Variants in DHX37 observed in about 807,000 individuals in gnomAD.
The protein encoded by DHX37 is probable ATP-dependent RNA helicase DHX37.
In DHX37, 52 loss-of-function variants were observed where a neutral mutation model predicts 134.3. The observed-to-expected ratio is 0.39, with a 90% CI of 0.31 to 0.49. DHX37 has a LOEUF of 0.49. Among genes scored for constraint, DHX37 ranks in the 20% least tolerant of loss-of-function variants. The probability of loss-of-function intolerance (pLI) is 0.93; values close to 1 mark genes in which losing one functional copy is unlikely to be tolerated. For missense variants in DHX37, 1,344 were observed against 1,580.8 expected (o/e 0.85, Z 2.54); for synonymous variants, 634 against 670.7 (o/e 0.95, Z 0.85).
intron 15 of DHX37, among the ~76,000 whole-genome samples, chr12:124,961,278 G>A (rs28425771): frequency 7.8e-5 from 7 of 89,774 alleles, no homozygotes; most frequent in East Asian, 6.1e-4. Context: ...ACGCGTGCAC[G>A]CACACACACT....
rs767678085 is a variant in DHX37, at chr12:124,971,414, T to C, written c.1079A>G (p.Asp360Gly). The change falls in exon 8 of 27, where the codon GAC (aspartate) becomes GGC (glycine). Residue 360 changes from aspartate (D) to glycine (G), a missense_variant and splice_region_variant. By Grantham distance (94) the Asp-to-Gly change is moderately conservative. This residue lies in a region of DHX37 where 30 missense variants were observed against 72.5 expected (regional missense o/e 0.41). Transcript: ENST00000308736. ...DGVLLKEIQK[D>G]FLLLRYKVVI... Reference sequence around the variant, plus strand: ...CACCTTGTACCGCAGCAGCAGGAAGTCCTGGGGGGAGGTCCGGGGTGAGGC... The same window carrying C: ...CACCTTGTACCGCAGCAGCAGGAAGCCCTGGGGGGAGGTCCGGGGTGAGGC... The C allele has an allele frequency of 8.1e-6, 13 of 1,612,824 alleles. No individual in the cohort carries two copies. The East Asian group carries it at 2.9e-4, about 36-fold the overall frequency.
intron 10 of DHX37, among the ~76,000 whole-genome samples, chr12:124,967,681 A>G (rs1263743407): frequency 6.6e-6 from 1 of 152,190 alleles, no homozygotes; most frequent in Non-Finnish European, 1.5e-5. Context: ...GCTTCCTTGA[A>G]GGACGAGGTC....
intron 25 of DHX37, chr12:124,948,426 G>C: frequency 1.6e-6 from 1 of 640,296 alleles, no homozygotes; most frequent in Admixed American, 3.0e-5. Context: ...CTCCAGCCTG[G>C]GCAACAGGGC....
At chr12:124,959,169 G>A (rs1388391396) in intron 16 of DHX37, among the ~76,000 whole-genome samples, 11 of 150,282 alleles carry the variant, frequency 7.3e-5, no homozygotes. Flanking sequence ...CGCCTCCCGG[G>A]TTCAAGTGAT....
At chr12:124,977,260 G>A in intron 5 of DHX37, 82 bp downstream of exon 5, 3 of 1,431,960 alleles carry the variant, frequency 2.1e-6, no homozygotes, top group Non-Finnish European at 2.8e-6. Context: ...TGGATCCTGG[G>A]GAGCCCAGGC....
intron 15 of DHX37, among the ~76,000 whole-genome samples, chr12:124,961,205 CGTGT>C (rs1291638250): frequency 8.6e-6 from 1 of 115,886 alleles, no homozygotes; most frequent in African/African-American, 3.1e-5. Context: ...CACACATACA[CGTGT>C]GCACGCACGC....
intron 15 of DHX37, among the ~76,000 whole-genome samples, chr12:124,961,341 C>T (rs553802919): frequency 3.3e-4 from 51 of 152,290 alleles, no homozygotes; most frequent in African/African-American, 1.2e-3. Context: ...CACGCACACA[C>T]ACACACAATT....
chr12:124,949,743 G>A lies in DHX37; in HGVS notation c.3290+243C>T, dbSNP rs1167993324. Reference sequence around the variant, plus strand: ...TAAAGACACACAGAGAGATGGCCACGTGAAGATGGAGGCAGAGACTGGAGT... The same window carrying A: ...TAAAGACACACAGAGAGATGGCCACATGAAGATGGAGGCAGAGACTGGAGT... On this transcript the variant is annotated intron_variant, in intron 25 of 26. Coordinates refer to ENST00000308736, the MANE Select transcript of DHX37 (RefSeq NM_032656.4). This position sits in a 1 kb window ranked among gnomAD's most constrained non-coding sequence, Gnocchi z 4.0. 6.6e-6 allele frequency among the ~76,000 whole-genome samples: 1 copy of A among 152,158 alleles called. No homozygotes were observed. The highest frequency in any genetic ancestry group is 2.4e-5 in the African/African-American group (1 of 41,434).
chr12:124,974,305 C>T (rs1444136025), intron 6 of DHX37, among the ~76,000 whole-genome samples: 1 of 151,746 alleles, frequency 6.6e-6, no homozygotes, highest in Admixed American at 6.6e-5. Flanking sequence ...GAGAATGAGG[C>T]AGCTTTTCCT....
intron 15 of DHX37, among the ~76,000 whole-genome samples, chr12:124,961,188 G>GCACACA (rs144846639): frequency 9.7e-6 from 1 of 103,610 alleles, no homozygotes; most frequent in Non-Finnish European, 1.8e-5. Context: ...ATGCGCGCAC[G>GCACACA]CACACACACA....
rs1954915590 is a variant in DHX37 at position 124,988,432 on chromosome 12, C to G, written c.106+485G>C. On this transcript the variant is annotated intron_variant, in intron 1 of 26. Transcript: ENST00000308736. Reference sequence around the variant, plus strand: ...ATGTTTATTCTTTGCCTGTCTCCTCCTATACAGCAGGTAAACTCAGGGATT... The same window carrying G: ...ATGTTTATTCTTTGCCTGTCTCCTCGTATACAGCAGGTAAACTCAGGGATT... Among the ~76,000 whole-genome samples the G allele has an allele frequency of 2.6e-5, 4 of 152,134 alleles. No homozygotes were observed. The South Asian group carries it at 8.3e-4, about 31-fold the overall frequency.
intron 18 of DHX37, among the ~76,000 whole-genome samples, chr12:124,954,593 T>C (rs1388634606): frequency 6.6e-6 from 1 of 151,930 alleles, no homozygotes; most frequent in African/African-American, 2.4e-5. Flanking sequence ...AGAGACAGAG[T>C]TTCACCGTGT....
chr12:124,950,835 G>A, intron 21 of DHX37, 31 bp from the exon 22 acceptor site: 1 of 1,565,458 alleles, frequency 6.4e-7, no homozygotes. Flanking sequence ...TGTGGTCAGG[G>A]AAGAACCCAT....
Position 124,988,944 on chromosome 12 carries a change from G to T in DHX37, c.79C>A (p.Pro27Thr). 1 of 1,339,634 alleles carries T rather than the reference G, an allele frequency of 7.5e-7. No homozygotes were observed. The highest frequency in any genetic ancestry group is 2.4e-5 in the South Asian group (1 of 41,234). The allele number at this position is 1,339,634 out of a possible 1,614,324, so 83.0% of individuals were successfully genotyped here. A position where few individuals can be genotyped will look rare whatever the true frequency, so the allele number is the denominator to read the frequency against. Residue 27 changes from proline to threonine, a missense_variant, in exon 1 of 27, where the codon CCG becomes ACG. Physicochemically the swap from Pro to Thr is conservative, Grantham distance 38. Transcript: ENST00000308736. ...GPGPSKGPPE[P>T]PPVQLELEDK... ...TCCAGTTCCAGCTGCACGGGGGGCG[G>T]CTCGGGGGGGCCCTTCGAGGGTCCG...
rs756255463 is a variant in DHX37 at position 124,975,531 on chromosome 12, G to T, written c.888-20C>A. 2.5e-6 allele frequency: 4 copies of T among 1,610,614 alleles called. No individual in the cohort carries two copies. The Admixed American group carries it at 6.7e-5, about 27-fold the overall frequency. On this transcript the variant is annotated intron_variant, in intron 5 of 26. Coordinates refer to ENST00000308736, the MANE Select transcript of DHX37 (RefSeq NM_032656.4). ...TCTTCACTGGGGGAGGAAGAACATGGCCATCAACAGTGCGCGGCCCCACCT... is the reference window on the plus strand; with the variant it reads ...TCTTCACTGGGGGAGGAAGAACATGTCCATCAACAGTGCGCGGCCCCACCT...
At chr12:124,968,435 C>T (rs1954441235) in intron 10 of DHX37, 99 bp downstream of exon 10, 2 of 1,552,502 alleles carry the variant, frequency 1.3e-6, no homozygotes, top group African/African-American at 1.4e-5. Context: ...GGTCAAGGGA[C>T]TTTTCTGAGC....
chr12:124,976,999 T>C lies in DHX37; in HGVS notation c.887+343A>G, dbSNP rs578058107. Reference sequence around the variant, plus strand: ...GAGGCGGAGTTGCAGTGAGCCAATATCACACCACTGTACTCCAGCCGGGGT... The same window carrying C: ...GAGGCGGAGTTGCAGTGAGCCAATACCACACCACTGTACTCCAGCCGGGGT... On this transcript the variant is annotated intron_variant, in intron 5 of 26. Transcript: ENST00000308736. Among the ~76,000 whole-genome samples, 6 of 140,328 alleles carry C rather than the reference T, an allele frequency of 4.3e-5. No individual in the cohort carries two copies. In the East Asian group the frequency reaches 1.3e-3, roughly 29 times the overall value. The allele number at this position is 140,328 out of a possible 152,430, so 92.1% of individuals were successfully genotyped here. A position where few individuals can be genotyped will look rare whatever the true frequency, so the allele number is the denominator to read the frequency against.
intron 4 of DHX37, among the ~76,000 whole-genome samples, chr12:124,978,845 C>T (rs970994058): frequency 2.0e-5 from 3 of 151,458 alleles, no homozygotes; most frequent in African/African-American, 7.3e-5. Context: ...GGTGGGAGGA[C>T]CGCTTGAGCC....
chr12:124,953,343 A>G (rs1437559475), intron 20 of DHX37: 1 of 154,440 alleles, frequency 6.5e-6, no homozygotes, highest in Non-Finnish European at 1.4e-5. Flanking sequence ...ATGGAAGGCA[A>G]ATTCTCCACT....
Sources: allele counts gnomAD v4.1 joint callset (sites outside exome capture counted in the v4.1 genomes callset), GRCh38; gene constraint gnomAD v4.1.1; regional missense constraint gnomAD v4.1.1; non-coding constraint Gnocchi (gnomAD v3.1); transcripts MANE v1.5; gene names NCBI Gene and HGNC (gene_info 2026-07-23, HGNC 2026-07-21).